The following PPARGC1A variants were observed in gnomAD, a reference collection of about 807,000 sequenced individuals.
The protein encoded by PPARGC1A is PPARG coactivator 1 alpha, also known as peroxisome proliferator-activated receptor gamma coactivator 1-alpha.
In PPARGC1A, 25 loss-of-function variants were observed where a neutral mutation model predicts 88.7. The ratio of observed to expected loss-of-function variants is 0.28; its 90% CI spans 0.21 to 0.39. PPARGC1A has a LOEUF of 0.39. PPARGC1A is among the 10% of genes least tolerant of loss of function. The probability of loss-of-function intolerance (pLI) is 1.00; values close to 1 mark genes in which losing one functional copy is unlikely to be tolerated. For missense variants in PPARGC1A, 880 were observed against 968.7 expected (o/e 0.91, Z 1.22); for synonymous variants, 363 against 355.6 (o/e 1.02, Z -0.24).
chr4:23,893,011 A>T (rs560958823), upstream of PPARGC1A, among the ~76,000 whole-genome samples: 10 of 152,174 alleles, frequency 6.6e-5, no homozygotes, highest in East Asian at 1.4e-3. Flanking sequence ...TTTCTCAACA[A>T]TAGAAAGAGG....
chr4:24,278,672 T>C, the PPARGC1A span, among the ~76,000 whole-genome samples: 3 of 152,222 alleles, frequency 2.0e-5, no homozygotes, highest in Non-Finnish European at 4.4e-5. Flanking sequence ...CTTCCCTTTC[T>C]TCTCGTGGCT....
the PPARGC1A span, among the ~76,000 whole-genome samples, chr4:24,073,123 C>A: frequency 6.6e-6 from 1 of 152,292 alleles, no homozygotes; most frequent in East Asian, 1.9e-4. Context: ...TTCACTGCAA[C>A]CTCTGCCTCC....
At chr4:24,088,676 T>TATTAA in the PPARGC1A span, among the ~76,000 whole-genome samples, 1 of 152,214 alleles carries the variant, frequency 6.6e-6, no homozygotes, top group Non-Finnish European at 1.5e-5. Flanking sequence ...AAAAATAAAC[T>TATTAA]ATTAAAAAAC....
At chr4:24,405,270 G>T in the PPARGC1A span, among the ~76,000 whole-genome samples, 1 of 151,786 alleles carries the variant, frequency 6.6e-6, no homozygotes, top group African/African-American at 2.4e-5. Flanking sequence ...TTTCTAAGTT[G>T]TATGAAAAGG....
At chr4:24,259,771 A>G in the PPARGC1A span, among the ~76,000 whole-genome samples, 1 of 152,068 alleles carries the variant, frequency 6.6e-6, no homozygotes, top group Non-Finnish European at 1.5e-5. Flanking sequence ...CCTTTTTTCT[A>G]TCTTTTTACT....
the PPARGC1A span, among the ~76,000 whole-genome samples, chr4:24,334,496 C>G: frequency 6.6e-6 from 1 of 152,210 alleles, no homozygotes; most frequent in African/African-American, 2.4e-5. Context: ...AGGCAGAATT[C>G]TAGGAATCTC....
At chr4:24,089,282 G>A in the PPARGC1A span, among the ~76,000 whole-genome samples, 1 of 152,060 alleles carries the variant, frequency 6.6e-6, no homozygotes, top group African/African-American at 2.4e-5. Context: ...GGACAGCCTT[G>A]GTGTCAACTG....
At chr4:24,073,847 A>C in the PPARGC1A span, among the ~76,000 whole-genome samples, 1,152 of 152,246 alleles carry the variant, frequency 7.6e-3, 20 homozygotes, top group South Asian at 0.018. Flanking sequence ...CTGGAGGAAG[A>C]GTTAACCAGC....
At chr4:23,804,567 T>C (rs1719417718) in intron 10 of PPARGC1A, among the ~76,000 whole-genome samples, 1 of 152,178 alleles carries the variant, frequency 6.6e-6, no homozygotes, top group Non-Finnish European at 1.5e-5. Flanking sequence ...TCTAAAATAT[T>C]CCAATGGCTT....
chr4:24,089,330 C>T, the PPARGC1A span, among the ~76,000 whole-genome samples: 2 of 151,908 alleles, frequency 1.3e-5, no homozygotes, highest in South Asian at 2.1e-4. Flanking sequence ...CCCAGCCTAG[C>T]GATACAAATG....
At chr4:24,425,407 C>G in the PPARGC1A span, among the ~76,000 whole-genome samples, 1 of 152,148 alleles carries the variant, frequency 6.6e-6, no homozygotes, top group African/African-American at 2.4e-5. Flanking sequence ...TTTACTGCAG[C>G]ACCCAGGGTA....
chr4:24,147,343 C>G, the PPARGC1A span, among the ~76,000 whole-genome samples: 2 of 152,318 alleles, frequency 1.3e-5, no homozygotes, highest in African/African-American at 2.4e-5. Context: ...TGTTTCCCAG[C>G]TTCCTGAATC....
At chr4:24,427,201 C>A in the PPARGC1A span, among the ~76,000 whole-genome samples, 1 of 152,052 alleles carries the variant, frequency 6.6e-6, no homozygotes, top group Non-Finnish European at 1.5e-5. Context: ...TTCTTTTCTG[C>A]CTCCTGTAAA....
chr4:24,077,626 T>TGTGG, the PPARGC1A span, among the ~76,000 whole-genome samples: 1 of 22,928 alleles, frequency 4.4e-5, no homozygotes, highest in East Asian at 5.3e-3. Context: ...TGTCTAGGGG[T>TGTGG]GTGTGTGTGT....
the PPARGC1A span, among the ~76,000 whole-genome samples, chr4:24,404,134 A>G: frequency 1.3e-5 from 2 of 151,946 alleles, no homozygotes. Flanking sequence ...ATGGTGGCAC[A>G]CACCTGTAAT....
the PPARGC1A span, among the ~76,000 whole-genome samples, chr4:24,052,846 G>A: frequency 7.0e-6 from 1 of 142,988 alleles, no homozygotes; most frequent in South Asian, 2.2e-4. Flanking sequence ...CTCCTGTGGC[G>A]TACGCAGATT....
At chr4:24,429,723 C>CTCACTGTAA in the PPARGC1A span, among the ~76,000 whole-genome samples, 1 of 147,562 alleles carries the variant, frequency 6.8e-6, no homozygotes. Context: ...ATGATCTTGG[C>CTCACTGTAA]TCACTGTAAT....
At chr4:23,928,176 C>T in the PPARGC1A span, among the ~76,000 whole-genome samples, 1 of 152,108 alleles carries the variant, frequency 6.6e-6, no homozygotes, top group Admixed American at 6.6e-5. Context: ...GTGCTTCGTT[C>T]GTTCAAGGTT....
At chr4:24,121,291 C>A in the PPARGC1A span, among the ~76,000 whole-genome samples, 1 of 152,160 alleles carries the variant, frequency 6.6e-6, no homozygotes, top group African/African-American at 2.4e-5. Context: ...ACTTCTCCCA[C>A]GCCTGTTTTT....
Sources: allele counts gnomAD v4.1 joint callset (sites outside exome capture counted in the v4.1 genomes callset), GRCh38; gene constraint gnomAD v4.1.1; transcripts MANE v1.5; gene names NCBI Gene and HGNC (gene_info 2026-07-23, HGNC 2026-07-21).